OS9: variants seen among roughly 807,000 people sequenced by gnomAD.
OS9 encodes the protein protein OS-9.
OS9 carries 58 observed loss-of-function variants against 84.7 expected under a neutral mutation model. That is an observed-to-expected ratio of 0.68 (90% CI 0.55 to 0.85). The LOEUF is 0.85. Among genes scored for constraint, OS9 ranks in the 40% least tolerant of loss-of-function variants. OS9 has a pLI of 0.00. For synonymous variants in OS9, 278 were observed against 320.8 expected (o/e 0.87, Z 1.43); for missense variants, 760 against 850.9 (o/e 0.89, Z 1.33).
intron 9 of OS9, 50 bp from the exon 10 acceptor site, chr12:57,717,820 G>C: frequency 1.1e-5 from 4 of 372,602 alleles, no homozygotes; most frequent in Non-Finnish European, 1.7e-5. Flanking sequence ...AAAAAAAAAA[G>C]AATTTAAACA....
In OS9 at chr12:57,719,864, C is replaced by T. The variant is rs1420681810; in HGVS notation, c.1601-235C>T. On this transcript the variant is annotated intron_variant, in intron 12 of 14. Transcript: ENST00000315970. Reference sequence around the variant, plus strand: ...AAAACATTTGTTTTCCTATAGGTGACGGGCAGAATTATTGGGTAGGGCGGG... The same window carrying T: ...AAAACATTTGTTTTCCTATAGGTGATGGGCAGAATTATTGGGTAGGGCGGG... The T allele has an allele frequency of 5.9e-5, 27 of 457,582 alleles. No individual in the cohort carries two copies. The South Asian group carries it at 6.6e-4, about 11-fold the overall frequency. 28.3% of individuals were successfully genotyped at this position (457,582 alleles called of 1,614,324 possible). A position where few individuals can be genotyped will look rare whatever the true frequency, so the allele number is the denominator to read the frequency against.
chr12:57,720,814 CGCCAGCG>C lies in OS9; in HGVS notation c.1912_1918del (p.Gln638ArgfsTer99). On this transcript the variant is annotated frameshift_variant, in exon 15 of 15. Transcript: ENST00000315970. LOFTEE classifies it high-confidence loss of function. ...GGGAGCTGAAGAGGCCCAGAAGGAA[CGCCAGCG>C]GCAGAAAGAGCTGGAGAGCAATTAC... 6.2e-7 allele frequency: 1 copy of C among 1,613,134 alleles called. No homozygotes were observed. The highest frequency in any genetic ancestry group is 8.5e-7 in the Non-Finnish European group (1 of 1,179,456).
At chr12:57,710,973 A>T (rs2140318106) in intron 5 of OS9, among the ~76,000 whole-genome samples, 2 of 138,238 alleles carry the variant, frequency 1.4e-5, no homozygotes, top group East Asian at 4.9e-4. Flanking sequence ...CAGGAGGCAG[A>T]GGTTGCAGTG....
At chr12:57,713,434 A>G (rs1162338665) in intron 5 of OS9, among the ~76,000 whole-genome samples, 1 of 152,084 alleles carries the variant, frequency 6.6e-6, no homozygotes, top group Non-Finnish European at 1.5e-5. Flanking sequence ...CTCGGTTTGC[A>G]TCTCCTTTTG....
chr12:57,708,062 C>T (rs1188512314), intron 5 of OS9, among the ~76,000 whole-genome samples: 2 of 152,008 alleles, frequency 1.3e-5, no homozygotes, highest in African/African-American at 4.8e-5. Flanking sequence ...CACTGCACTC[C>T]AGCTTGGTGA....
At chr12:57,719,260 C>G (rs1272168712) in intron 12 of OS9, 78 bp downstream of exon 12, 2 of 1,241,532 alleles carry the variant, frequency 1.6e-6, no homozygotes, top group Admixed American at 2.1e-5. Context: ...CAGAGGGGAC[C>G]CTGTTCCTTC....
chr12:57,701,871 A>C (rs1954036715), intron 5 of OS9, among the ~76,000 whole-genome samples: 1 of 152,080 alleles, frequency 6.6e-6, no homozygotes, highest in South Asian at 2.1e-4. Context: ...ATCTTGGCTC[A>C]CTGCAACCTC....
At chr12:57,713,250 G>A (rs1057217195) in intron 5 of OS9, among the ~76,000 whole-genome samples, 2 of 152,144 alleles carry the variant, frequency 1.3e-5, no homozygotes. Context: ...TATTAAGTCA[G>A]GTCCTTTGGA....
chr12:57,716,804 A>G (rs1595063544), intron 9 of OS9, 60 bp downstream of exon 9: 1 of 1,490,246 alleles, frequency 6.7e-7, no homozygotes, highest in East Asian at 2.3e-5. Flanking sequence ...AGGGGTAGGG[A>G]TGGAGGGGAG....
chr12:57,717,819 AGAAT>A, intron 9 of OS9, 47 bp from the exon 10 acceptor site: 2 of 931,472 alleles, frequency 2.1e-6, no homozygotes, highest in Non-Finnish European at 3.1e-6. Context: ...AAAAAAAAAA[AGAAT>A]TTAAACACAA....
intron 9 of OS9, 114 bp from the exon 10 acceptor site, chr12:57,717,756 G>C (rs1418726418): frequency 4.1e-6 from 3 of 730,646 alleles, no homozygotes; most frequent in Non-Finnish European, 6.4e-6. Flanking sequence ...TTGCACCACT[G>C]TGCTCCAGCT....
At position 57,694,280 on chromosome 12, in the gene OS9, G is replaced by A; in HGVS notation, c.119G>A (p.Arg40His). 3 of 1,614,156 alleles carry A rather than the reference G, an allele frequency of 1.9e-6. 1 individual carries two copies. The highest frequency in any genetic ancestry group is 2.2e-5 in the South Asian group (2 of 91,082). The change falls in exon 1 of 15, where the codon CGT becomes CAT. Residue 40 changes from arginine (R) to histidine (H), a missense_variant. Coordinates refer to ENST00000315970, the MANE Select transcript of OS9 (RefSeq NM_006812.4). ...SLNLEELSEM[R>H]YGIEILPLPV... ...AACCTGGAGGAGCTGAGTGAGATGC[G>A]TTATGGGATCGAGATCCTGCCGTTG...
chr12:57,694,439 G>C, intron 1 of OS9, 116 bp downstream of exon 1: 1 of 1,149,654 alleles, frequency 8.7e-7, no homozygotes, highest in Non-Finnish European at 1.3e-6. Context: ...GGGAAGAGTA[G>C]GTATTGCTTT....
intron 5 of OS9, among the ~76,000 whole-genome samples, chr12:57,700,498 T>C (rs1033934566): frequency 2.0e-5 from 3 of 152,278 alleles, no homozygotes; most frequent in Non-Finnish European, 4.4e-5. Context: ...TCAGTTCTTA[T>C]GCCACTTGCC....
At chr12:57,720,039 AC>A in intron 12 of OS9, 59 bp from the exon 13 acceptor site, 1 of 1,510,154 alleles carries the variant, frequency 6.6e-7, no homozygotes, top group Non-Finnish European at 9.0e-7. Flanking sequence ...TGACCCCCAC[AC>A]CCCTAACCCT....
At chr12:57,696,953 CAA>C (rs1953867405) in intron 5 of OS9, among the ~76,000 whole-genome samples, 1 of 152,200 alleles carries the variant, frequency 6.6e-6, no homozygotes, top group Non-Finnish European at 1.5e-5. Context: ...AGCTTCTTTA[CAA>C]GTGCTTCTCA....
chr12:57,720,125 G>T lies in OS9; in HGVS notation c.1627G>T (p.Val543Phe), dbSNP rs1425474934. 1.9e-6 allele frequency: 3 copies of T among 1,614,024 alleles called. No homozygotes were observed. Among genetic ancestry groups the T allele is most frequent in the East Asian group, 2.2e-5 (1 of 44,880 alleles). The change falls in exon 13 of 15, where the codon GTC (valine) becomes TTC (phenylalanine). Residue 543 changes from valine (V) to phenylalanine (F), a missense_variant. Coordinates refer to ENST00000315970, the MANE Select transcript of OS9 (RefSeq NM_006812.4). ...TEEDPEHRVR[V>F]RVTKLRLGGP... ...GGAGGATCCTGAGCACAGAGTCCGG[G>T]TCCGGGTCACCAAGCTCCGTCTCGG...
chr12:57,720,501 ATCT>A lies in OS9; in HGVS notation c.1867_1869del (p.Phe623del), dbSNP rs577272345. ...TGAGGACACGAGAAACCTCAAGGAG[ATCT>A]TCTTCAATATCTTGGTAAGAGGCTT... On this transcript the variant is annotated inframe_deletion, in exon 14 of 15. Transcript: ENST00000315970. 1.3e-4 allele frequency: 215 copies of A among 1,610,332 alleles called. No homozygotes were observed. The highest frequency in any genetic ancestry group is 7.7e-4 in the South Asian group (70 of 91,012).
chr12:57,698,345 C>A (rs1249254333), intron 5 of OS9, among the ~76,000 whole-genome samples: 1 of 152,194 alleles, frequency 6.6e-6, no homozygotes, highest in Admixed American at 6.5e-5. Flanking sequence ...GTGTTTGTAT[C>A]TTCAGTAGGC....
Sources: gnomAD v4.1 joint callset for allele counts (sites outside exome capture counted in the v4.1 genomes callset) on GRCh38, gnomAD v4.1.1 for gene constraint, MANE v1.5 for transcripts, NCBI Gene and HGNC (gene_info 2026-07-23, HGNC 2026-07-21) for gene names.